MATN1: variants seen among roughly 807,000 people sequenced by gnomAD.
MATN1 encodes the protein matrilin 1, also known as matrilin-1.
In MATN1, 34 loss-of-function variants were observed where a neutral mutation model predicts 41.3. The ratio of observed to expected loss-of-function variants is 0.82; its 90% CI spans 0.63 to 1.10. MATN1 has a LOEUF of 1.10. Ranked by LOEUF, MATN1 falls within the 50% of genes least tolerant of loss-of-function variation. MATN1 has a pLI of 0.00. For synonymous variants in MATN1, 264 were observed against 278.7 expected, an observed-to-expected ratio of 0.95 and a Z score of 0.53; for missense variants, 602 against 662.4, an observed-to-expected ratio of 0.91 and a Z score of 1.00.
chr1:30,717,759 G>A (rs773643087), intron 3 of MATN1, among the ~76,000 whole-genome samples: 1 of 148,858 alleles, frequency 6.7e-6, no homozygotes, highest in Non-Finnish European at 1.5e-5. Context: ...GGTTCACGCC[G>A]TTTTCCTGGC....
Position 30,718,609 on chromosome 1 carries a change from C to T in MATN1, c.664+126G>A, listed in dbSNP as rs1639655351. On this transcript the variant is annotated intron_variant, in intron 3 of 7. Coordinates refer to ENST00000373765, the MANE Select transcript of MATN1 (RefSeq NM_002379.3). ...CCTCTGCCCCCCCCCCGGCCCCGCC[C>T]CTGCCCTGCGCCGGCGCTGGCTCCG... is the stretch of plus-strand genomic sequence containing the variant. 37 of 311,400 alleles carry T rather than the reference C, an allele frequency of 1.2e-4. 1 individual carries two copies. The South Asian group carries it at 1.8e-3, about 15-fold the overall frequency. The allele number at this position is 311,400 out of a possible 1,614,324, so 19.3% of individuals were successfully genotyped here. A position where few individuals can be genotyped will look rare whatever the true frequency, so the allele number is the denominator to read the frequency against.
chr1:30,718,222 G>A (rs1245639041), intron 3 of MATN1, among the ~76,000 whole-genome samples: 2 of 145,580 alleles, frequency 1.4e-5, no homozygotes, highest in South Asian at 2.2e-4. Flanking sequence ...CCCCGACGCT[G>A]ACTTTTTCTG....
Position 30,718,829 on chromosome 1 carries a change from CT to C in MATN1, c.569del (p.Gln190ArgfsTer66). The C allele has an allele frequency of 6.2e-7, 1 of 1,609,648 alleles. No homozygotes were observed. On this transcript the variant is annotated frameshift_variant, in exon 3 of 8. Coordinates refer to ENST00000373765, the MANE Select transcript of MATN1 (RefSeq NM_002379.3). LOFTEE classifies it high-confidence loss of function. ...GTTCGTCCTGCGGCTCGCTGGCGAT[CT>C]GCCGCAGCGTGGCCTTGTCCACGCT... is the stretch of plus-strand genomic sequence containing the variant. ...VGSVDKATLR[Q>X]IASEPQDEHV...
intron 3 of MATN1, among the ~76,000 whole-genome samples, chr1:30,718,305 C>A (rs1639649031): frequency 6.6e-6 from 1 of 151,914 alleles, no homozygotes; most frequent in African/African-American, 2.4e-5. Context: ...CTGCGCCTGC[C>A]ACGGCCTCGT....
In MATN1 at chr1:30,714,347, G is replaced by T; in HGVS notation, c.1361-20C>A. ...CTTCCTCTGCAGGGGACAAGGAGGA[G>T]GGAAAGAGAAAGGAACTGTTGAGTG... On this transcript the variant is annotated intron_variant, in intron 6 of 7. Coordinates refer to ENST00000373765, the MANE Select transcript of MATN1 (RefSeq NM_002379.3). 1.9e-6 allele frequency: 3 copies of T among 1,595,148 alleles called. No homozygotes were observed. Among genetic ancestry groups the T allele is most frequent in the South Asian group, 1.1e-5 (1 of 88,468 alleles).
chr1:30,719,235 C>T, intron 2 of MATN1: 1 of 434,092 alleles, frequency 2.3e-6, no homozygotes, highest in Non-Finnish European at 4.1e-6. Context: ...TCTCTAAGGT[C>T]AGGGCCATGC....
intron 1 of MATN1, among the ~76,000 whole-genome samples, chr1:30,722,807 G>C (rs1639713751): frequency 6.6e-6 from 1 of 152,182 alleles, no homozygotes; most frequent in African/African-American, 2.4e-5. Context: ...TTCCTCAGGA[G>C]ACCTTAGAAA....
chr1:30,723,400 G>C (rs934821383), intron 1 of MATN1, 58 bp downstream of exon 1: 6 of 1,314,502 alleles, frequency 4.6e-6, no homozygotes, highest in Non-Finnish European at 6.1e-6. Context: ...CCAGCCCCCA[G>C]TGCTGAGGGT....
chr1:30,713,833 G>A (rs990880136), intron 7 of MATN1: 2 of 617,690 alleles, frequency 3.2e-6, no homozygotes, highest in Non-Finnish European at 5.9e-6. Context: ...GCCCTGCTCA[G>A]TTGCAGATTT....
At position 30,721,369 on chromosome 1, in the gene MATN1, A is replaced by G. The variant is rs116431637; in HGVS notation, c.441+36T>C. 1,553 of 1,569,250 alleles carry G rather than the reference A, an allele frequency of 9.9e-4. 21 individuals carry two copies. The African/African-American group carries it at 0.019, about 19-fold the overall frequency. On this transcript the variant is annotated intron_variant, in intron 2 of 7. Coordinates refer to ENST00000373765, the MANE Select transcript of MATN1 (RefSeq NM_002379.3). Reference sequence around the variant, plus strand: ...CTCATAACTCCGAGCGGGAGCCTCCAAACAGCAGCATCCTAGCAGGGTGGC... The same window carrying G: ...CTCATAACTCCGAGCGGGAGCCTCCGAACAGCAGCATCCTAGCAGGGTGGC...
At chr1:30,714,476 A>G in intron 6 of MATN1, 149 bp from the exon 7 acceptor site, 1 of 665,998 alleles carries the variant, frequency 1.5e-6, no homozygotes, top group Non-Finnish European at 2.7e-6. Context: ...AGATATAGAT[A>G]GTCCTTGAGA....
intron 3 of MATN1, among the ~76,000 whole-genome samples, chr1:30,717,560 C>G (rs1639632679): frequency 6.6e-6 from 1 of 151,944 alleles, no homozygotes; most frequent in Admixed American, 6.5e-5. Context: ...TCTGGGAGCT[C>G]TCCTTCCTGA....
Position 30,713,323 on chromosome 1 carries a change from A to C in MATN1, c.*259T>G. 3 of 519,518 alleles carry C rather than the reference A, an allele frequency of 5.8e-6. No homozygotes were observed. The highest frequency in any genetic ancestry group is 1.9e-5 in the African/African-American group (1 of 52,866). 32.2% of individuals were successfully genotyped at this position (519,518 alleles called of 1,614,324 possible). A position where few individuals can be genotyped will look rare whatever the true frequency, so the allele number is the denominator to read the frequency against. On this transcript the variant is annotated 3_prime_UTR_variant, in exon 8 of 8. Coordinates refer to ENST00000373765, the MANE Select transcript of MATN1 (RefSeq NM_002379.3). Reference sequence around the variant, plus strand: ...TCCCTCTCACACTCACCCCTGCATTATCACTCTCACACTCACATTCTGGCA... The same window carrying C: ...TCCCTCTCACACTCACCCCTGCATTCTCACTCTCACACTCACATTCTGGCA...
Position 30,722,228 on chromosome 1 carries a change from A to G in MATN1, c.95-477T>C, listed in dbSNP as rs567475306. Among the ~76,000 whole-genome samples the G allele has an allele frequency of 4.6e-5, 7 of 152,386 alleles. No homozygotes were observed. In the South Asian group the frequency reaches 1.4e-3, roughly 32 times the overall value. ...GGCACCAAGGATGGGCCCTCCAGGC[A>G]TGGGCACAGGCTTGAGAGCCAAAGC... On this transcript the variant is annotated intron_variant, in intron 1 of 7. Coordinates refer to ENST00000373765, the MANE Select transcript of MATN1 (RefSeq NM_002379.3).
intron 6 of MATN1, among the ~76,000 whole-genome samples, chr1:30,714,751 T>G (rs1177108757): frequency 1.3e-5 from 2 of 152,070 alleles, no homozygotes; most frequent in Non-Finnish European, 2.9e-5. Context: ...CACGTCTGGC[T>G]CTGAAACCCA....
intron 2 of MATN1, 186 bp from the exon 3 acceptor site, chr1:30,719,143 G>T: frequency 3.8e-6 from 2 of 522,300 alleles, no homozygotes; most frequent in Non-Finnish European, 6.7e-6. Context: ...GTGGCTGGGG[G>T]GCTTTCCATC....
Position 30,716,825 on chromosome 1 carries a change from CCCT to C in MATN1, c.752_754del (p.Glu251del). ...CTTGCCGTCGCTGTTCAGAGTGAAG[CCCT>C]CGTGGCAGGCGCAGGTGTAGGAACC... On this transcript the variant is annotated inframe_deletion, in exon 4 of 8. Transcript: ENST00000373765. 1 of 1,614,024 alleles carries C rather than the reference CCCT, an allele frequency of 6.2e-7. No individual in the cohort carries two copies. The highest frequency in any genetic ancestry group is 2.2e-5 in the East Asian group (1 of 44,882).
intron 3 of MATN1, among the ~76,000 whole-genome samples, chr1:30,718,017 G>C (rs892776644): frequency 6.6e-6 from 1 of 152,160 alleles, no homozygotes; most frequent in Non-Finnish European, 1.5e-5. Context: ...ACCCTCCTCC[G>C]TTATCAGGCT....
intron 1 of MATN1, among the ~76,000 whole-genome samples, chr1:30,722,096 T>G (rs1435259219): frequency 6.6e-6 from 1 of 152,098 alleles, no homozygotes; most frequent in Admixed American, 6.5e-5. Flanking sequence ...AAGCAATGAG[T>G]ATTCCAGGGG....
Sources: gnomAD v4.1 joint callset for allele counts (sites outside exome capture counted in the v4.1 genomes callset) on GRCh38, gnomAD v4.1.1 for gene constraint, MANE v1.5 for transcripts, NCBI Gene and HGNC (gene_info 2026-07-23, HGNC 2026-07-21) for gene names.